Variants in SYBU observed in about 807,000 individuals in gnomAD.
SYBU encodes GOLSYN A protein.
A neutral mutation model predicts 35.9 loss-of-function variants in SYBU; 21 were observed. That is an observed-to-expected ratio of 0.58 (90% CI 0.41 to 0.84). The LOEUF is 0.84. Ranked by LOEUF, SYBU falls within the 40% of genes least tolerant of loss-of-function variation. The probability of loss-of-function intolerance (pLI) is 0.00; values close to 1 mark genes in which losing one functional copy is unlikely to be tolerated. For synonymous variants in SYBU, 319 were observed against 324.3 expected (o/e 0.98, Z 0.18); for missense variants, 768 against 848.2 (o/e 0.91, Z 1.17).
chr8:109,674,300 T>C (rs1273868459), intron 1 of SYBU, among the ~76,000 whole-genome samples: 2 of 151,176 alleles, frequency 1.3e-5, no homozygotes, highest in African/African-American at 4.9e-5. Context: ...GTCAGGTTAC[T>C]CACAAAGGGA....
chr8:109,687,776 T>C (rs1817553966), intron 1 of SYBU, among the ~76,000 whole-genome samples: 1 of 152,128 alleles, frequency 6.6e-6, no homozygotes, highest in African/African-American at 2.4e-5. Flanking sequence ...CATGGTATTA[T>C]TATAGAGAAT....
intron 4 of SYBU, among the ~76,000 whole-genome samples, chr8:109,581,674 A>G (rs1823046966): frequency 6.6e-6 from 1 of 152,224 alleles, no homozygotes; most frequent in Non-Finnish European, 1.5e-5. Context: ...TTTTAATTAC[A>G]GCTGTATCCA....
intron 3 of SYBU, among the ~76,000 whole-genome samples, chr8:109,599,617 C>A (rs545318666): frequency 6.6e-6 from 1 of 152,212 alleles, no homozygotes; most frequent in Non-Finnish European, 1.5e-5. Flanking sequence ...CCTGAATTCT[C>A]CACCTGAGGC....
At chr8:109,666,213 C>T (rs1255099102) in intron 1 of SYBU, among the ~76,000 whole-genome samples, 3 of 152,126 alleles carry the variant, frequency 2.0e-5, no homozygotes, top group Non-Finnish European at 2.9e-5. Flanking sequence ...TCGAACAACA[C>T]AACATATTCT....
rs374617962 is a variant in SYBU at position 109,575,395 on chromosome 8, C to T, written c.1503G>A (p.Glu501=). The T allele has an allele frequency of 6.2e-7, 1 of 1,613,978 alleles. No homozygotes were observed. Among genetic ancestry groups the T allele is most frequent in the African/African-American group, 1.3e-5 (1 of 74,894 alleles). Residue 501 remains glutamate (E), a synonymous_variant, in exon 7 of 7, where the codon GAG becomes GAA. Transcript: ENST00000276646. ...DVVPYSPAIS[E]LIQSVLQKLQ... ...GCTTCTGCAGCACACTCTGAATGAG[C>T]TCTGAGATGGCTGGGCTGTAGGGCA...
At chr8:109,654,874 A>G (rs1432461221) in intron 1 of SYBU, among the ~76,000 whole-genome samples, 1 of 152,138 alleles carries the variant, frequency 6.6e-6, no homozygotes, top group Non-Finnish European at 1.5e-5. Context: ...TATCTGTTCT[A>G]CTTCCTAATT....
chr8:109,671,893 A>G (rs1286226844), intron 1 of SYBU, among the ~76,000 whole-genome samples: 1 of 152,154 alleles, frequency 6.6e-6, no homozygotes, highest in Admixed American at 6.5e-5. Context: ...TATGAAGTCA[A>G]AATGAATTTT....
rs1476498858 is a variant in SYBU at position 109,579,910 on chromosome 8, A to G, written c.623T>C (p.Leu208Pro). 3 of 1,613,934 alleles carry G rather than the reference A, an allele frequency of 1.9e-6. No homozygotes were observed. Among genetic ancestry groups the G allele is most frequent in the Non-Finnish European group, 8.5e-7 (1 of 1,180,014 alleles). Residue 208 changes from leucine (L) to proline (P), a missense_variant, in exon 5 of 7, where the codon CTG (leucine) becomes CCG (proline). Leu to Pro is a moderately conservative substitution (Grantham distance 98). Transcript: ENST00000276646. The stretch of plus-strand genomic sequence containing the variant: ...GACAGGGCTCAGCTGATTCCTGCAC[A>G]GCATGGACAGAAGGTCCTTTTCCCG... The part of the protein sequence containing the change: ...SPREKDLLSM[L>P]CRNQLSPVNI...
chr8:109,588,460 C>A (rs186378931), intron 3 of SYBU, among the ~76,000 whole-genome samples: 1 of 152,308 alleles, frequency 6.6e-6, no homozygotes. Context: ...GATTAGAAGG[C>A]ACATTCGGGT....
chr8:109,670,763 C>T (rs1563774649), intron 1 of SYBU, among the ~76,000 whole-genome samples: 1 of 152,084 alleles, frequency 6.6e-6, no homozygotes. Flanking sequence ...ATCCTGATTC[C>T]TTCCTTTCTT....
At chr8:109,669,452 GTAT>G (rs1816896279) in intron 1 of SYBU, among the ~76,000 whole-genome samples, 2 of 151,422 alleles carry the variant, frequency 1.3e-5, no homozygotes, top group South Asian at 4.2e-4. Flanking sequence ...CATGTATGAG[GTAT>G]TATAATATAA....
At chr8:109,576,804 A>C (rs1000771114) in intron 6 of SYBU, among the ~76,000 whole-genome samples, 6 of 152,138 alleles carry the variant, frequency 3.9e-5, no homozygotes, top group Non-Finnish European at 7.4e-5. Flanking sequence ...CAGTCCTTAC[A>C]TTCTCAGTGG....
intron 1 of SYBU, among the ~76,000 whole-genome samples, chr8:109,662,956 T>G (rs1243963910): frequency 3.9e-5 from 6 of 152,202 alleles, no homozygotes; most frequent in African/African-American, 1.4e-4. Context: ...AAACATATTG[T>G]AGATGCACAC....
At chr8:109,610,065 A>C (rs997311285) in intron 3 of SYBU, among the ~76,000 whole-genome samples, 3 of 151,810 alleles carry the variant, frequency 2.0e-5, no homozygotes, top group African/African-American at 7.3e-5. Context: ...TTCCTAACTC[A>C]CCGCTCTGCC....
Position 109,672,791 on chromosome 8 carries a change from C to T in SYBU, c.-129+7920G>A, listed in dbSNP as rs77483220. On this transcript the variant is annotated intron_variant, in intron 1 of 5. Coordinates refer to the SYBU transcript ENST00000408889. Reference sequence around the variant, plus strand: ...AGCTAAGATCCACTGGCTTTAAATTCTCGCTGCCAGCACAGCAGTCTGAAG... The same window carrying T: ...AGCTAAGATCCACTGGCTTTAAATTTTCGCTGCCAGCACAGCAGTCTGAAG... Among the ~76,000 whole-genome samples the T allele has an allele frequency of 7.7e-3, 1,172 of 152,336 alleles. 16 individuals carry two copies. Among genetic ancestry groups the T allele is most frequent in the African/African-American group, 0.027 (1,117 of 41,582 alleles).
chr8:109,683,225 C>T (rs959325647), upstream of SYBU, among the ~76,000 whole-genome samples: 1 of 152,190 alleles, frequency 6.6e-6, no homozygotes, highest in African/African-American at 2.4e-5. Context: ...CTGGAAAAGC[C>T]ACAGACAACA....
intron 2 of SYBU, among the ~76,000 whole-genome samples, chr8:109,627,613 T>C (rs766126212): frequency 6.6e-6 from 1 of 152,062 alleles, no homozygotes; most frequent in Non-Finnish European, 1.5e-5. Flanking sequence ...CAAAGTAAGG[T>C]TTGTCTGACA....
At chr8:109,620,941 G>A (rs1563732207) in intron 2 of SYBU, among the ~76,000 whole-genome samples, 1 of 152,164 alleles carries the variant, frequency 6.6e-6, no homozygotes, top group African/African-American at 2.4e-5. Context: ...TGCCTCAAGA[G>A]AGCCTCTCTT....
chr8:109,642,401 A>C (rs1225286319), intron 2 of SYBU, among the ~76,000 whole-genome samples: 1 of 152,224 alleles, frequency 6.6e-6, no homozygotes, highest in East Asian at 1.9e-4. Flanking sequence ...TTATGTAACA[A>C]ACCTGCATGT....
Sources: gnomAD v4.1 joint callset for allele counts (sites outside exome capture counted in the v4.1 genomes callset) on GRCh38, gnomAD v4.1.1 for gene constraint, MANE v1.5 for transcripts, NCBI Gene and HGNC (gene_info 2026-07-23, HGNC 2026-07-21) for gene names.